The following TACC2 variants were observed in gnomAD, a reference collection of about 807,000 sequenced individuals.
TACC2 encodes transforming acidic coiled-coil-containing protein 2.
A neutral mutation model predicts 227.3 loss-of-function variants in TACC2; 137 were observed. The ratio of observed to expected loss-of-function variants is 0.60; its 90% CI spans 0.52 to 0.69. The LOEUF (loss-of-function observed/expected upper bound fraction) is 0.69, where lower values mean the gene tolerates loss of function less well. Among genes scored for constraint, TACC2 ranks in the 30% least tolerant of loss-of-function variants. TACC2 has a pLI of 0.00. For synonymous variants in TACC2, 1,523 were observed against 1,487.5 expected (o/e 1.02, Z -0.55); for missense variants, 3,470 against 3,694.4 (o/e 0.94, Z 1.57).
At chr10:122,135,923 G>A (rs549597547) in intron 6 of TACC2, among the ~76,000 whole-genome samples, 3 of 152,330 alleles carry the variant, frequency 2.0e-5, no homozygotes, top group Non-Finnish European at 4.4e-5. Context: ...TGAGCCCTAA[G>A]CATGATGCTG....
chr10:122,200,031 C>T (rs77830624), intron 8 of TACC2, among the ~76,000 whole-genome samples: 4,765 of 152,334 alleles, frequency 0.031, 261 homozygotes, highest in African/African-American at 0.11. Context: ...CACACACATT[C>T]GGACCAGAGC....
chr10:122,201,945 T>C (rs1365061478), intron 8 of TACC2, among the ~76,000 whole-genome samples: 1 of 151,962 alleles, frequency 6.6e-6, no homozygotes, highest in East Asian at 1.9e-4. Flanking sequence ...GACTCTGCGC[T>C]CTTTGAAACT....
chr10:122,126,697 CT>C (rs1183859475), intron 5 of TACC2: 36 of 146,388 alleles, frequency 2.5e-4, no homozygotes, highest in Non-Finnish European at 2.3e-4. Context: ...GAGGGAGAAG[CT>C]TTTTTTTTTT....
intron 7 of TACC2, among the ~76,000 whole-genome samples, chr10:122,148,383 C>T (rs1272533803): frequency 3.3e-5 from 5 of 152,350 alleles, no homozygotes; most frequent in East Asian, 1.9e-4. Flanking sequence ...GGATTACAGG[C>T]GTGAGCCACC....
In TACC2 at chr10:122,194,057, A is replaced by G. The variant is rs1464734003; in HGVS notation, c.5835-983A>G. ...CTCACCCTCCCTAGTAGCTGAGACC[A>G]TAGGCACATGCCACCAAGCCTGGGT... On this transcript the variant is annotated intron_variant, in intron 7 of 22. Transcript: ENST00000369005. The surrounding 1 kb of genome is among the most constrained non-coding windows in gnomAD (Gnocchi z 4.4). Among the ~76,000 whole-genome samples the G allele has an allele frequency of 6.6e-6, 1 of 152,212 alleles. No individual in the cohort carries two copies. The highest frequency in any genetic ancestry group is 2.4e-5 in the African/African-American group (1 of 41,450).
chr10:122,026,164 A>C (rs144410886), intron 2 of TACC2, among the ~76,000 whole-genome samples: 32,174 of 83,402 alleles, frequency 0.39, 3,977 homozygotes, highest in African/African-American at 0.49. Flanking sequence ...TAAAAATCCA[A>C]AAAAAAAAAA....
intron 3 of TACC2, among the ~76,000 whole-genome samples, chr10:122,067,087 G>A (rs2077467185): frequency 6.6e-6 from 1 of 152,110 alleles, no homozygotes; most frequent in African/African-American, 2.4e-5. Flanking sequence ...TAAGTAACAA[G>A]GAAAAAGAGA....
In TACC2 at chr10:122,141,133, G is replaced by A. The variant is rs774959897; in HGVS notation, c.5700-2439G>A. 6.6e-6 allele frequency among the ~76,000 whole-genome samples: 1 copy of A among 152,144 alleles called. No homozygotes were observed. The highest frequency in any genetic ancestry group is 1.5e-5 in the Non-Finnish European group (1 of 68,030). ...CTGGAAGTCAGTGCCAGGGCCTGGC[G>A]GGCTGATGGTGCCACTACCTTGCTG... is the stretch of plus-strand genomic sequence containing the variant. On this transcript the variant is annotated intron_variant, in intron 6 of 22. Coordinates refer to ENST00000369005, the MANE Select transcript of TACC2 (RefSeq NM_206862.4). This position sits in a 1 kb window ranked among gnomAD's most constrained non-coding sequence, Gnocchi z 4.3.
At chr10:122,057,451 GC>G (rs2076318384) in intron 3 of TACC2, among the ~76,000 whole-genome samples, 1 of 151,996 alleles carries the variant, frequency 6.6e-6, no homozygotes, top group Non-Finnish European at 1.5e-5. Flanking sequence ...AAAATCCTAA[GC>G]CCCCCATCCA....
rs546030508 is a variant in TACC2, at chr10:122,087,659, C to T, written c.5159C>T (p.Ala1720Val). ...AGCACAGCTGAGACACAGGCATGTG[C>T]GTCCGGTGATCTGCCTGAAGCAGGT... Reference protein sequence around the residue: ...TLSTAETQACASGDLPEAGTT... With the variant: ...TLSTAETQACVSGDLPEAGTT... Residue 1720 changes from alanine (A) to valine (V), a missense_variant, in exon 4 of 23, where the codon GCG becomes GTG. Coordinates refer to ENST00000369005, the MANE Select transcript of TACC2 (RefSeq NM_206862.4). 7.4e-6 allele frequency: 12 copies of T among 1,613,376 alleles called. No individual in the cohort carries two copies. Among genetic ancestry groups the T allele is most frequent in the South Asian group, 3.3e-5 (3 of 91,086 alleles).
At chr10:122,214,092 CG>C (rs1277896420) in intron 9 of TACC2, among the ~76,000 whole-genome samples, 2 of 151,962 alleles carry the variant, frequency 1.3e-5, no homozygotes, top group Non-Finnish European at 2.9e-5. Flanking sequence ...GTGGGCAGCT[CG>C]GGGGGGTCCA....
intron 3 of TACC2, chr10:122,051,091 A>G (rs7918048): frequency 0.8 from 123,164 of 153,382 alleles, 50,012 homozygotes; most frequent in East Asian, 0.95. Flanking sequence ...ATGGAGTCTC[A>G]TCCAGGCTGG....
chr10:122,224,790 A>G lies in TACC2; in HGVS notation c.7608+3A>G. ...AGAAAATTGGCTCCTCCTTACCTGTAAGTTCGTCTGCCTCGGGCCACTTAG... is the reference window on the plus strand; with the variant it reads ...AGAAAATTGGCTCCTCCTTACCTGTGAGTTCGTCTGCCTCGGGCCACTTAG... On this transcript the variant is annotated splice_donor_region_variant and intron_variant, in intron 12 of 22. Coordinates refer to ENST00000369005, the MANE Select transcript of TACC2 (RefSeq NM_206862.4). 1 of 1,613,748 alleles carries G rather than the reference A, an allele frequency of 6.2e-7. No individual in the cohort carries two copies. Among genetic ancestry groups the G allele is most frequent in the Non-Finnish European group, 8.5e-7 (1 of 1,179,732 alleles).
At chr10:122,157,045 G>T (rs1319248517) in intron 7 of TACC2, among the ~76,000 whole-genome samples, 2 of 152,172 alleles carry the variant, frequency 1.3e-5, no homozygotes, top group Non-Finnish European at 2.9e-5. Flanking sequence ...CCAGGAGGTC[G>T]AGGCTGCAGT....
At position 122,044,662 on chromosome 10, in the gene TACC2, G is replaced by A. The variant is rs192412818; in HGVS notation, c.34-5776G>A. ...GTAAGCAGTGGTCTAGAGTGATGGAGCGTTTAAGAGGTAAGTGGAATTTTT... is the reference window on the plus strand; with the variant it reads ...GTAAGCAGTGGTCTAGAGTGATGGAACGTTTAAGAGGTAAGTGGAATTTTT... On this transcript the variant is annotated intron_variant, in intron 2 of 22. Transcript: ENST00000369005. 2.0e-3 allele frequency among the ~76,000 whole-genome samples: 297 copies of A among 150,530 alleles called. 6 individuals carry two copies. The highest frequency in any genetic ancestry group is 0.016 in the Admixed American group (236 of 14,814).
rs184902520 is a variant in TACC2 at position 122,124,039 on chromosome 10, C to T, written c.5574-8570C>T. ...ATGTTGGCCAGGCTGGTCTCGAACT[C>T]CTGGCCTCGTGATCTGCCCGCCACG... On this transcript the variant is annotated intron_variant, in intron 5 of 22. Coordinates refer to ENST00000369005, the MANE Select transcript of TACC2 (RefSeq NM_206862.4). Among the ~76,000 whole-genome samples the T allele has an allele frequency of 1.4e-3, 209 of 152,140 alleles. 2 individuals carry two copies. Among genetic ancestry groups the T allele is most frequent in the Non-Finnish European group, 7.6e-4 (52 of 68,008 alleles).
chr10:122,143,458 A>AAAG, intron 6 of TACC2, 114 bp from the exon 7 acceptor site: 1 of 1,197,834 alleles, frequency 8.3e-7, no homozygotes, highest in East Asian at 2.4e-5. Context: ...GCTGGGGTTT[A>AAAG]AAGAGTCCAT....
At chr10:122,176,646 G>T (rs2093734122) in intron 7 of TACC2, among the ~76,000 whole-genome samples, 1 of 152,174 alleles carries the variant, frequency 6.6e-6, no homozygotes, top group Non-Finnish European at 1.5e-5. Flanking sequence ...CTGCTGAAAG[G>T]CCTGATGTGG....
At chr10:122,167,991 A>G (rs368738438) in intron 7 of TACC2, among the ~76,000 whole-genome samples, 3 of 147,060 alleles carry the variant, frequency 2.0e-5, no homozygotes, top group Admixed American at 6.8e-5. Flanking sequence ...GACTCAAGGG[A>G]TTTTCCTACC....
Sources: allele counts gnomAD v4.1 joint callset (sites outside exome capture counted in the v4.1 genomes callset), GRCh38; gene constraint gnomAD v4.1.1; non-coding constraint Gnocchi (gnomAD v3.1); transcripts MANE v1.5; gene names NCBI Gene and HGNC (gene_info 2026-07-23, HGNC 2026-07-21).